The following CGN variants were observed in gnomAD, a reference collection of about 807,000 sequenced individuals.
The protein encoded by CGN is cingulin.
CGN carries 121 observed loss-of-function variants against 157.1 expected under a neutral mutation model. The ratio of observed to expected loss-of-function variants is 0.77; its 90% CI spans 0.66 to 0.90. CGN has a LOEUF of 0.90. Among genes scored for constraint, CGN ranks in the 40% least tolerant of loss-of-function variants. The pLI is 0.00. For synonymous variants in CGN, 535 were observed against 607.5 expected (o/e 0.88, Z 1.76); for missense variants, 1,424 against 1,520.9 (o/e 0.94, Z 1.06).
chr1:151,535,359 T>G (rs558429126), intron 16 of CGN, among the ~76,000 whole-genome samples: 29 of 152,336 alleles, frequency 1.9e-4, no homozygotes, highest in Middle Eastern at 3.4e-3. Context: ...TGGGCTGTTC[T>G]CTGACCTGAA....
intron 3 of CGN, 35 bp downstream of exon 3, chr1:151,520,301 C>T (rs1320944839): frequency 1.9e-6 from 3 of 1,566,974 alleles, no homozygotes; most frequent in African/African-American, 2.7e-5. Flanking sequence ...AGAGGCATAC[C>T]CCTCCTTCTT....
At position 151,524,861 on chromosome 1, in the gene CGN, G is replaced by T. The variant is rs756407898; in HGVS notation, c.1589G>T (p.Arg530Leu). The change falls in exon 8 of 21, where the codon CGC becomes CTC. Residue 530 changes from arginine (R) to leucine (L), a missense_variant. By Grantham distance (102) the Arg-to-Leu change is moderately radical. This residue lies in a region of CGN where 1,187 missense variants were observed against 1,217.6 expected (regional missense o/e 0.97). Coordinates refer to ENST00000271636, the MANE Select transcript of CGN (RefSeq NM_020770.3). The surrounding 1 kb of genome is among the most constrained non-coding windows in gnomAD (Gnocchi z 4.4). ...TACCAGCGAGACACAGAGCAGCTCC[G>T]CAGGAGCATGCAAGATGCAACCCAG... ...QQYQRDTEQL[R>L]RSMQDATQDH... 2 of 1,611,478 alleles carry T rather than the reference G, an allele frequency of 1.2e-6. No homozygotes were observed. The highest frequency in any genetic ancestry group is 1.1e-5 in the South Asian group (1 of 90,908).
rs774541967 is a variant in CGN at position 151,523,494 on chromosome 1, GAAGA to G, written c.1202_1205del (p.Glu401GlyfsTer26). 6.2e-6 allele frequency: 10 copies of G among 1,613,590 alleles called. No individual in the cohort carries two copies. Among genetic ancestry groups the G allele is most frequent in the Non-Finnish European group, 7.6e-6 (9 of 1,179,838 alleles). On this transcript the variant is annotated frameshift_variant, in exon 6 of 21. Coordinates refer to ENST00000271636, the MANE Select transcript of CGN (RefSeq NM_020770.3). LOFTEE classifies it high-confidence loss of function. ...GGAGCGGCAGCTGGAGGAGAAAACAGAAGAGTGCAGCCGACTGCAGGAGCTGCTG... is the reference window on the plus strand; with the variant it reads ...GGAGCGGCAGCTGGAGGAGAAAACAGGTGCAGCCGACTGCAGGAGCTGCTG...
intron 5 of CGN, 74 bp downstream of exon 5, chr1:151,520,765 C>G (rs1571658634): frequency 5.1e-6 from 6 of 1,172,034 alleles, no homozygotes; most frequent in Non-Finnish European, 7.5e-6. Context: ...ATGGGCTGAG[C>G]TGACCCTTCT....
At position 151,529,952 on chromosome 1, in the gene CGN, G is replaced by A. The variant is rs767053366; in HGVS notation, c.2150G>A (p.Arg717Gln). Residue 717 changes from arginine to glutamine, a missense_variant, in exon 12 of 21, where the codon CGG becomes CAG. Arg to Gln is a conservative substitution (Grantham distance 43, BLOSUM62 1). Around this residue, in one of 3 missense-constraint regions of CGN, gnomAD observed 1,187 missense variants for 1,217.6 expected, o/e 0.97. Coordinates refer to ENST00000271636, the MANE Select transcript of CGN (RefSeq NM_020770.3). ...GCAGAGGCAACAGTGCTGGGGCAGC[G>A]GCGGGCCGCAGTGGAGACGACGCTT... is the stretch of plus-strand genomic sequence containing the variant. ...AEAEATVLGQ[R>Q]RAAVETTLRE... is the part of the protein sequence containing the mutation. 13 of 1,613,994 alleles carry A rather than the reference G, an allele frequency of 8.1e-6. No individual in the cohort carries two copies. In the East Asian group the frequency reaches 8.9e-5, roughly 11 times the overall value.
At position 151,518,931 on chromosome 1, in the gene CGN, C is replaced by G; in HGVS notation, c.412C>G (p.Gln138Glu). ...WNGKLLRSHS[Q>E]ASLAGPGPVD... is the part of the protein sequence containing the mutation. ...TGGAAAGCTACTCCGTTCCCACTCC[C>G]AGGCCTCACTGGCAGGCCCTGGCCC... Residue 138 changes from glutamine to glutamate, a missense_variant, in exon 2 of 21, where the codon CAG (glutamine) becomes GAG (glutamate). Physicochemically the swap from Gln to Glu is conservative, Grantham distance 29 (BLOSUM62 2). Around this residue, in one of 3 missense-constraint regions of CGN, gnomAD observed 1,187 missense variants for 1,217.6 expected, o/e 0.97. Coordinates refer to ENST00000271636, the MANE Select transcript of CGN (RefSeq NM_020770.3). 6.2e-7 allele frequency: 1 copy of G among 1,614,184 alleles called. No individual in the cohort carries two copies. Among genetic ancestry groups the G allele is most frequent in the Non-Finnish European group, 8.5e-7 (1 of 1,180,022 alleles).
intron 5 of CGN, among the ~76,000 whole-genome samples, chr1:151,522,046 G>C (rs1434326947): frequency 6.6e-6 from 1 of 152,084 alleles, no homozygotes; most frequent in South Asian, 2.1e-4. Context: ...GGGAGGGCAA[G>C]GTGGGAGGAC....
At chr1:151,537,107 G>A in intron 20 of CGN, 98 bp from the exon 21 acceptor site, 1 of 1,394,206 alleles carries the variant, frequency 7.2e-7, no homozygotes, top group East Asian at 2.3e-5. Context: ...ATAAACTTTA[G>A]GCCTTAGAAG....
chr1:151,527,835 A>ACACACG, intron 10 of CGN: 1 of 247,030 alleles, frequency 4.0e-6, no homozygotes, highest in Non-Finnish European at 7.9e-6. Flanking sequence ...ACACACACAC[A>ACACACG]CACGAAAGAC....
rs1241659845 is a variant in CGN, at chr1:151,518,847, G to A, written c.328G>A (p.Gly110Arg). 6.2e-7 allele frequency: 1 copy of A among 1,613,870 alleles called. No homozygotes were observed. The highest frequency in any genetic ancestry group is 1.3e-5 in the African/African-American group (1 of 74,878). The change falls in exon 2 of 21, where the codon GGA (glycine) becomes AGA (arginine). Residue 110 changes from glycine (G) to arginine (R), a missense_variant. By Grantham distance (125) the Gly-to-Arg change is moderately radical. This residue lies in a region of CGN where 1,187 missense variants were observed against 1,217.6 expected (regional missense o/e 0.97). Transcript: ENST00000271636. ...LPENPYSQVK[G>R]FPAPSQSSTS... ...TGAGAACCCCTACTCTCAGGTCAAG[G>A]GATTTCCTGCCCCCTCGCAGAGCAG...
chr1:151,517,579 C>T (rs188039349), intron 1 of CGN, among the ~76,000 whole-genome samples: 41 of 150,496 alleles, frequency 2.7e-4, no homozygotes, highest in Admixed American at 6.0e-4. Flanking sequence ...GGCGCAATCT[C>T]GGCTCACTGC....
chr1:151,532,270 A>G, intron 13 of CGN, 132 bp from the exon 14 acceptor site: 1 of 577,098 alleles, frequency 1.7e-6, no homozygotes, highest in Non-Finnish European at 2.9e-6. Flanking sequence ...TATACTAGGA[A>G]CCTAGGCCCA....
intron 8 of CGN, 69 bp from the exon 9 acceptor site, chr1:151,525,573 A>C (rs1176618882): frequency 1.5e-6 from 2 of 1,356,416 alleles, no homozygotes; most frequent in Non-Finnish European, 2.0e-6. Flanking sequence ...CCTTGTACAC[A>C]CTCACACTTT....
In CGN at chr1:151,535,909, C is replaced by T. The variant is rs1342148286; in HGVS notation, c.3197+11C>T. 2.0e-5 allele frequency: 32 copies of T among 1,588,520 alleles called. No homozygotes were observed. The highest frequency in any genetic ancestry group is 2.7e-5 in the African/African-American group (2 of 74,348). The stretch of plus-strand genomic sequence containing the variant: ...ACAGGCTGAAGAGAGGTGACATAAG[C>T]CTATCCTTCCTCCCTTCCTCCCTCC... On this transcript the variant is annotated intron_variant, in intron 18 of 20. Coordinates refer to ENST00000271636, the MANE Select transcript of CGN (RefSeq NM_020770.3).
rs1664999243 is a variant in CGN at position 151,537,629 on chromosome 1, G to A, written c.*283G>A. ...TATAGTGGAAGGATGGTCAGCATTA[G>A]GCTGATGGGGACTGAGAAGGATAGG... On this transcript the variant is annotated 3_prime_UTR_variant, in exon 21 of 21. Coordinates refer to ENST00000271636, the MANE Select transcript of CGN (RefSeq NM_020770.3). The A allele has an allele frequency of 2.9e-6, 1 of 341,262 alleles. No homozygotes were observed. The highest frequency in any genetic ancestry group is 6.6e-5 in the South Asian group (1 of 15,200). 21.1% of individuals were successfully genotyped at this position (341,262 alleles called of 1,614,324 possible). A position where few individuals can be genotyped will look rare whatever the true frequency, so the allele number is the denominator to read the frequency against.
intron 13 of CGN, 91 bp downstream of exon 13, chr1:151,530,837 A>G: frequency 7.3e-7 from 1 of 1,369,838 alleles, no homozygotes; most frequent in Non-Finnish European, 1.0e-6. Context: ...GAGAGGGGTT[A>G]GTCAGAATGT....
At chr1:151,530,224 C>A in intron 12 of CGN, 109 bp downstream of exon 12, 1 of 1,186,350 alleles carries the variant, frequency 8.4e-7, no homozygotes, top group Non-Finnish European at 1.2e-6. Context: ...ATCTGTTTTG[C>A]CTCCCCAAAC....
In CGN at chr1:151,511,533, G is replaced by A. The variant is rs1031229210; in HGVS notation, c.-15+18G>A. 1.3e-5 allele frequency: 2 copies of A among 157,652 alleles called. No homozygotes were observed. Among genetic ancestry groups the A allele is most frequent in the African/African-American group, 2.4e-5 (1 of 41,466 alleles). 9.8% of individuals were successfully genotyped at this position (157,652 alleles called of 1,614,324 possible). On this transcript the variant is annotated intron_variant, in intron 1 of 20. Coordinates refer to ENST00000271636, the MANE Select transcript of CGN (RefSeq NM_020770.3). This position sits in a 1 kb window ranked among gnomAD's most constrained non-coding sequence, Gnocchi z 4.8. ...CGGCTAGGGTGAGTGGACCCGGTGCGGGCCAGGGCACCCGAGAGGAAAGCG... is the reference window on the plus strand; with the variant it reads ...CGGCTAGGGTGAGTGGACCCGGTGCAGGCCAGGGCACCCGAGAGGAAAGCG...
In CGN at chr1:151,520,431, C is replaced by T. The variant is rs2102490470; in HGVS notation, c.992C>T (p.Thr331Ile). 1 of 1,614,148 alleles carries T rather than the reference C, an allele frequency of 6.2e-7. No individual in the cohort carries two copies. The highest frequency in any genetic ancestry group is 2.2e-5 in the East Asian group (1 of 44,884). The change falls in exon 4 of 21, where the codon ACC (threonine) becomes ATC (isoleucine). Residue 331 changes from threonine to isoleucine, a missense_variant. Physicochemically the swap from Thr to Ile is moderately conservative, Grantham distance 89. This residue lies in a region of CGN where 1,187 missense variants were observed against 1,217.6 expected (regional missense o/e 0.97). Transcript: ENST00000271636. Reference protein sequence around the residue: ...ILREGSSESETSVRRKVSLVL... With the variant: ...ILREGSSESEISVRRKVSLVL... ...TCCTCTAGAAGCTCAGAAAGTGAAA[C>T]CTCTGTGAGGAGGAAGGTTAGTTTG...
Sources: allele counts gnomAD v4.1 joint callset (sites outside exome capture counted in the v4.1 genomes callset), GRCh38; gene constraint gnomAD v4.1.1; regional missense constraint gnomAD v4.1.1; non-coding constraint Gnocchi (gnomAD v3.1); transcripts MANE v1.5; gene names NCBI Gene and HGNC (gene_info 2026-07-23, HGNC 2026-07-21).